VRK2: variants seen among roughly 807,000 people sequenced by gnomAD.
VRK2 encodes the protein serine/threonine-protein kinase VRK2.
VRK2 carries 60 observed loss-of-function variants against 57.6 expected under a neutral mutation model. The ratio of observed to expected loss-of-function variants is 1.04; its 90% CI spans 0.85 to 1.29. The LOEUF is 1.29. Among genes scored for constraint, VRK2 ranks in the 50% most tolerant of loss-of-function variants. The pLI is 0.00. For missense variants in VRK2, 705 were observed against 588.1 expected (o/e 1.20, Z -2.06); for synonymous variants, 231 against 199.2 (o/e 1.16, Z -1.35).
upstream of VRK2, among the ~76,000 whole-genome samples, chr2:58,045,854 T>C (rs1674700458): frequency 6.6e-6 from 1 of 152,200 alleles, no homozygotes; most frequent in African/African-American, 2.4e-5. Flanking sequence ...TTTTTTTTCT[T>C]TCCTTCGAGA....
At chr2:58,108,013 CT>C (rs1377887969) in intron 7 of VRK2, among the ~76,000 whole-genome samples, 1 of 152,110 alleles carries the variant, frequency 6.6e-6, no homozygotes, top group Non-Finnish European at 1.5e-5. Flanking sequence ...TTTCCATCAA[CT>C]TTTACTCTGT....
chr2:58,138,447 A>AAG (rs1173270931), intron 10 of VRK2, among the ~76,000 whole-genome samples: 1 of 152,212 alleles, frequency 6.6e-6, no homozygotes, highest in Admixed American at 6.5e-5. Context: ...GCCCAGAACC[A>AAG]AGAGTTTACA....
intron 1 of VRK2, among the ~76,000 whole-genome samples, chr2:58,020,378 T>A (rs1003033868): frequency 2.6e-5 from 4 of 152,142 alleles, no homozygotes; most frequent in African/African-American, 7.2e-5. Flanking sequence ...GCTAATTTTT[T>A]AATATTTTTA....
At chr2:58,008,478 C>T (rs1449585139) in intron 1 of VRK2, among the ~76,000 whole-genome samples, 2 of 151,624 alleles carry the variant, frequency 1.3e-5, no homozygotes, top group African/African-American at 4.8e-5. Context: ...ACAATAATGC[C>T]TAATGTCTAT....
intron 1 of VRK2, among the ~76,000 whole-genome samples, chr2:57,927,780 T>C (rs2678874): frequency 6.6e-6 from 1 of 151,924 alleles, no homozygotes; most frequent in Non-Finnish European, 1.5e-5. Flanking sequence ...ATTTCTTCTT[T>C]ATATTTGAAG....
At chr2:57,941,477 A>T (rs1401724827) in intron 1 of VRK2, among the ~76,000 whole-genome samples, 6 of 152,198 alleles carry the variant, frequency 3.9e-5, no homozygotes, top group Admixed American at 3.9e-4. Flanking sequence ...AAGAAAGAGG[A>T]TACTAAATCT....
intron 1 of VRK2, among the ~76,000 whole-genome samples, chr2:58,016,503 C>G (rs952394742): frequency 6.6e-5 from 10 of 152,112 alleles, no homozygotes; most frequent in African/African-American, 2.4e-4. Flanking sequence ...CAGGTGCACA[C>G]CACCATACCC....
At chr2:58,006,309 G>A (rs1673242199) in intron 1 of VRK2, among the ~76,000 whole-genome samples, 1 of 152,162 alleles carries the variant, frequency 6.6e-6, no homozygotes, top group African/African-American at 2.4e-5. Flanking sequence ...AGTTTGTTTG[G>A]TGGAAAGTGA....
At chr2:58,097,073 C>G (rs1171547190) in intron 7 of VRK2, among the ~76,000 whole-genome samples, 1 of 151,996 alleles carries the variant, frequency 6.6e-6, no homozygotes, top group Non-Finnish European at 1.5e-5. Flanking sequence ...TTAATTGTGA[C>G]TTAAAAGCTG....
intron 1 of VRK2, among the ~76,000 whole-genome samples, chr2:57,937,096 T>C (rs1206771104): frequency 6.6e-6 from 1 of 152,208 alleles, no homozygotes; most frequent in African/African-American, 2.4e-5. Context: ...CAACATAGCA[T>C]AGGTAAAGGT....
At chr2:58,135,441 C>CTTT (rs201516911) in intron 10 of VRK2, among the ~76,000 whole-genome samples, 35 of 130,464 alleles carry the variant, frequency 2.7e-4, no homozygotes, top group African/African-American at 8.4e-4. Flanking sequence ...CTGCTTAGTG[C>CTTT]TTTTTTTTTT....
intron 1 of VRK2, among the ~76,000 whole-genome samples, chr2:57,925,534 T>C (rs1280467405): frequency 6.6e-6 from 1 of 151,970 alleles, no homozygotes; most frequent in Non-Finnish European, 1.5e-5. Context: ...TCTGTGGTAT[T>C]TGTTGAAATT....
At chr2:58,127,287 A>G (rs3771211) in intron 8 of VRK2, among the ~76,000 whole-genome samples, 10,462 of 152,160 alleles carry the variant, frequency 0.069, 433 homozygotes, top group Middle Eastern at 0.1. Context: ...CGTGCTACCA[A>G]ACTTGGGGAA....
chr2:57,911,880 A>C (rs553321743), intron 1 of VRK2, among the ~76,000 whole-genome samples: 1 of 152,216 alleles, frequency 6.6e-6, no homozygotes, highest in African/African-American at 2.4e-5. Context: ...CAATTGATAC[A>C]TTATGTATAA....
In VRK2 at chr2:57,984,795, G is replaced by C. The variant is rs371580673; in HGVS notation, c.-438-40870G>C. On this transcript the variant is annotated intron_variant, in intron 1 of 15. Coordinates refer to the VRK2 transcript ENST00000417641. ...TTATATATTTTTGGTTACTATTACT[G>C]TTTACCCCCCAAAAGAAAAACAACT... Among the ~76,000 whole-genome samples the C allele has an allele frequency of 3.6e-4, 54 of 152,000 alleles. 1 individual carries two copies. In the East Asian group the frequency reaches 6.0e-3, roughly 17 times the overall value.
chr2:57,996,704 C>T (rs963553788), intron 1 of VRK2, among the ~76,000 whole-genome samples: 18 of 152,026 alleles, frequency 1.2e-4, no homozygotes, highest in Non-Finnish European at 2.1e-4. Flanking sequence ...TATTATTATA[C>T]TATTTTTTAT....
intron 2 of VRK2, among the ~76,000 whole-genome samples, chr2:58,063,328 A>T (rs1223099031): frequency 4.6e-5 from 7 of 151,308 alleles, no homozygotes; most frequent in African/African-American, 1.5e-4. Context: ...GAAGTGGGTT[A>T]AAGGGTACAA....
At chr2:58,043,483 TTATTA>T (rs1223362528), upstream of VRK2, among the ~76,000 whole-genome samples, 4 of 152,190 alleles carry the variant, frequency 2.6e-5, no homozygotes, top group African/African-American at 9.7e-5. Context: ...TTCGAATAAA[TTATTA>T]TATTATATAT....
intron 1 of VRK2, among the ~76,000 whole-genome samples, chr2:57,986,220 A>T (rs982957282): frequency 6.8e-6 from 1 of 146,590 alleles, no homozygotes; most frequent in Non-Finnish European, 1.5e-5. Context: ...ATATTTCTTT[A>T]AAAAAAAAAA....
Sources: gnomAD v4.1 joint callset for allele counts (sites outside exome capture counted in the v4.1 genomes callset) on GRCh38, gnomAD v4.1.1 for gene constraint, MANE v1.5 for transcripts, NCBI Gene and HGNC (gene_info 2026-07-23, HGNC 2026-07-21) for gene names.